Variants in PARVB observed in about 807,000 individuals in gnomAD.
PARVB encodes the protein beta-parvin.
In PARVB, 46 loss-of-function variants were observed where a neutral mutation model predicts 47.0. The ratio of observed to expected loss-of-function variants is 0.98; its 90% CI spans 0.77 to 1.25. The LOEUF is 1.25. Among genes scored for constraint, PARVB ranks in the 50% most tolerant of loss-of-function variants. PARVB has a pLI of 0.00. For missense variants in PARVB, 473 were observed against 471.6 expected (o/e 1.00, Z -0.03); for synonymous variants, 196 against 196.3 (o/e 1.00, Z 0.01).
chr22:44,140,056 T>C (rs369812144), intron 7 of PARVB, 68 bp from the exon 8 acceptor site: 9 of 332,854 alleles, frequency 2.7e-5, no homozygotes, highest in African/African-American at 9.0e-5. Context: ...TCATCCTCCA[T>C]TGTGCTGCTT....
intron 11 of PARVB, among the ~76,000 whole-genome samples, chr22:44,159,473 C>T (rs1601701698): frequency 6.6e-6 from 1 of 152,180 alleles, no homozygotes; most frequent in African/African-American, 2.4e-5. Context: ...TCTGCCTTCC[C>T]CTCTGAATCG....
At chr22:44,129,521 G>A (rs914747494) in intron 4 of PARVB, among the ~76,000 whole-genome samples, 3 of 152,194 alleles carry the variant, frequency 2.0e-5, no homozygotes, top group Non-Finnish European at 2.9e-5. Flanking sequence ...CCTGGTGGGC[G>A]AGGCTCTCAG....
rs905132416 is a variant in PARVB at position 44,172,932 on chromosome 22, C to T, written c.*4254C>T. Reference sequence around the variant, plus strand: ...CTGTTATTTATTCCAATAAAGACCTCGTGAGCATGGGCCTGTCCACCGTCT... The same window carrying T: ...CTGTTATTTATTCCAATAAAGACCTTGTGAGCATGGGCCTGTCCACCGTCT... On this transcript the variant is annotated 3_prime_UTR_variant, in exon 13 of 13. Transcript: ENST00000338758. The T allele has an allele frequency of 1.5e-5, 19 of 1,238,790 alleles. No homozygotes were observed. The highest frequency in any genetic ancestry group is 3.0e-4 in the Middle Eastern group (1 of 3,296). The allele number at this position is 1,238,790 out of a possible 1,614,324, so 76.7% of individuals were successfully genotyped here.
intron 10 of PARVB, among the ~76,000 whole-genome samples, chr22:44,154,541 G>A (rs1178372373): frequency 1.3e-5 from 2 of 150,546 alleles, no homozygotes; most frequent in African/African-American, 2.4e-5. Flanking sequence ...GTGGGTGTGT[G>A]TGTGTGTGTG....
chr22:44,151,302 C>A, intron 9 of PARVB, 181 bp from the exon 10 acceptor site: 1 of 569,548 alleles, frequency 1.8e-6, no homozygotes, highest in South Asian at 2.0e-5. Flanking sequence ...GGCATTATGC[C>A]ATGAAAACTA....
At chr22:44,069,944 CAG>C (rs1417562219) in intron 1 of PARVB, among the ~76,000 whole-genome samples, 3 of 152,078 alleles carry the variant, frequency 2.0e-5, no homozygotes, top group Non-Finnish European at 2.9e-5. Flanking sequence ...CTTTGGGAGG[CAG>C]AGTCAGTAGA....
In PARVB at chr22:44,034,272, G is replaced by A. The variant is rs867803382; in HGVS notation, c.112+9821G>A. On this transcript the variant is annotated intron_variant, in intron 1 of 12. Coordinates refer to ENST00000338758, the MANE Select transcript of PARVB (RefSeq NM_013327.5). Reference sequence around the variant, plus strand: ...GATGGGTGTCTTTATACATATATATGTTTGAGATGGGTGTCTTTATACATA... The same window carrying A: ...GATGGGTGTCTTTATACATATATATATTTGAGATGGGTGTCTTTATACATA... Among the ~76,000 whole-genome samples, 30 of 94,756 alleles carry A rather than the reference G, an allele frequency of 3.2e-4. No homozygotes were observed. The Middle Eastern group carries it at 0.015, about 48-fold the overall frequency. 62.2% of individuals were successfully genotyped at this position (94,756 alleles called of 152,430 possible).
rs746432310 is a variant in PARVB, at chr22:44,002,264, C to T, written c.211+2591C>T. Among the ~76,000 whole-genome samples, 47 of 152,218 alleles carry T rather than the reference C, an allele frequency of 3.1e-4. 1 individual carries two copies. Among genetic ancestry groups the T allele is most frequent in the Admixed American group, 5.9e-4 (9 of 15,288 alleles). On this transcript the variant is annotated intron_variant, in intron 2 of 13. Transcript: ENST00000406477. ...CACGCTTCGGGAACCACTGATCTATCGTTGTCCAAAGCTAATTTTTTCAGC... is the reference window on the plus strand; with the variant it reads ...CACGCTTCGGGAACCACTGATCTATTGTTGTCCAAAGCTAATTTTTTCAGC...
At chr22:44,032,518 C>T (rs747591543) in intron 1 of PARVB, among the ~76,000 whole-genome samples, 3 of 152,100 alleles carry the variant, frequency 2.0e-5, no homozygotes, top group Non-Finnish European at 4.4e-5. Context: ...ATGCCCGTCG[C>T]GGTGGTGCAG....
Position 44,170,683 on chromosome 22 carries a change from C to A in PARVB, c.*2005C>A, listed in dbSNP as rs59935732. The stretch of plus-strand genomic sequence containing the variant: ...TCAGTCCCTCGCTGTGGCGCCCCCC[C>A]CTCCCCCAGCTCCTTCCCAGGGTGA... On this transcript the variant is annotated 3_prime_UTR_variant, in exon 13 of 13. Coordinates refer to ENST00000338758, the MANE Select transcript of PARVB (RefSeq NM_013327.5). 51,713 of 151,558 alleles carry A rather than the reference C, an allele frequency of 0.34. 8,883 individuals are homozygous for A. Among genetic ancestry groups the A allele is most frequent in the Admixed American group, 0.43 (6,592 of 15,224 alleles). 9.4% of individuals were successfully genotyped at this position (151,558 alleles called of 1,614,324 possible).
chr22:44,126,611 C>T (rs981257666), intron 4 of PARVB, among the ~76,000 whole-genome samples: 1 of 152,150 alleles, frequency 6.6e-6, no homozygotes, highest in African/African-American at 2.4e-5. Context: ...AGAGACTTAC[C>T]TCCTCTTTGA....
At chr22:44,164,351 G>A (rs768415616) in intron 12 of PARVB, among the ~76,000 whole-genome samples, 7 of 152,174 alleles carry the variant, frequency 4.6e-5, no homozygotes, top group Non-Finnish European at 5.9e-5. Flanking sequence ...CATGCTCTGC[G>A]TGGGTCGGAG....
chr22:44,110,021 G>A (rs551500245), intron 3 of PARVB: 2 of 147,110 alleles, frequency 1.4e-5, no homozygotes, highest in African/African-American at 5.0e-5. Context: ...GCTGAGGCAG[G>A]AGAATGGCGT....
intron 11 of PARVB, among the ~76,000 whole-genome samples, chr22:44,161,122 T>A (rs1328348833): frequency 6.6e-6 from 1 of 152,062 alleles, no homozygotes; most frequent in Non-Finnish European, 1.5e-5. Flanking sequence ...TGTGTGTGTG[T>A]GTGTGTGCAC....
At chr22:44,024,724 C>A (rs1341460759) in intron 1 of PARVB, among the ~76,000 whole-genome samples, 1 of 152,136 alleles carries the variant, frequency 6.6e-6, no homozygotes, top group African/African-American at 2.4e-5. Context: ...GTGCGGGGCC[C>A]GCGCCTGCTC....
At chr22:44,035,532 G>A (rs951297241) in intron 1 of PARVB, among the ~76,000 whole-genome samples, 11 of 152,006 alleles carry the variant, frequency 7.2e-5, no homozygotes, top group African/African-American at 2.2e-4. Context: ...CACCGTGCCC[G>A]GCTGATTTTT....
chr22:44,117,987 G>A (rs192634427), intron 3 of PARVB, among the ~76,000 whole-genome samples: 350 of 152,332 alleles, frequency 2.3e-3, no homozygotes, highest in Non-Finnish European at 3.7e-3. Flanking sequence ...CATAATGGAA[G>A]CAATCTCCTT....
At chr22:44,101,492 G>A (rs1277737252) in intron 3 of PARVB, among the ~76,000 whole-genome samples, 2 of 152,054 alleles carry the variant, frequency 1.3e-5, no homozygotes, top group African/African-American at 4.8e-5. Context: ...GCTCATGCCT[G>A]TAATCCCAGT....
chr22:44,003,340 C>A (rs2050431669), intron 2 of PARVB, among the ~76,000 whole-genome samples: 1 of 152,188 alleles, frequency 6.6e-6, no homozygotes, highest in African/African-American at 2.4e-5. Flanking sequence ...GGCAGAGCTA[C>A]TGCTGGAAAT....
Sources: allele counts gnomAD v4.1 joint callset (sites outside exome capture counted in the v4.1 genomes callset), GRCh38; gene constraint gnomAD v4.1.1; transcripts MANE v1.5; gene names NCBI Gene and HGNC (gene_info 2026-07-23, HGNC 2026-07-21).